NUDCD2: variants seen among roughly 807,000 people sequenced by gnomAD.
NUDCD2 encodes NudC domain containing 2.
Under a neutral mutation model 20.8 loss-of-function variants are expected in NUDCD2, and 16 were observed. That is an observed-to-expected ratio of 0.77 (90% CI 0.52 to 1.17). The LOEUF (loss-of-function observed/expected upper bound fraction) is 1.17. Among genes scored for constraint, NUDCD2 ranks in the 50% most tolerant of loss-of-function variants. The probability of loss-of-function intolerance (pLI) is 0.00; values close to 1 mark genes in which losing one functional copy is unlikely to be tolerated. For synonymous variants in NUDCD2, 87 were observed against 72.8 expected (o/e 1.20, Z -1.00); for missense variants, 199 against 193.9 (o/e 1.03, Z -0.16).
chr5:163,457,591 G>A lies in NUDCD2; in HGVS notation c.209C>T (p.Thr70Ile), dbSNP rs919603618. ...EILKGKLFDSTIADEGTWTLE... is the reference protein window; with the variant it reads ...EILKGKLFDSIIADEGTWTLE... Reference sequence around the variant, plus strand: ...AGTCCATGTTCCCTCATCAGCTATTGTAGAATCAAAGAGTTTGCCCTGAAA... The same window carrying A: ...AGTCCATGTTCCCTCATCAGCTATTATAGAATCAAAGAGTTTGCCCTGAAA... Residue 70 changes from threonine to isoleucine, a missense_variant, in exon 2 of 4, where the codon ACA (threonine) becomes ATA (isoleucine). Thr to Ile is a moderately conservative substitution (Grantham distance 89). Coordinates refer to ENST00000302764, the MANE Select transcript of NUDCD2 (RefSeq NM_145266.6). 6.3e-7 allele frequency: 1 copy of A among 1,581,976 alleles called. No individual in the cohort carries two copies. Among genetic ancestry groups the A allele is most frequent in the Non-Finnish European group, 8.7e-7 (1 of 1,151,316 alleles).
In NUDCD2 at chr5:163,459,905, C is replaced by T; in HGVS notation, c.146G>A (p.Ser49Asn). Reference protein sequence around the residue: ...RAQDIQCGLQSRHVALSVGGR... With the variant: ...RAQDIQCGLQNRHVALSVGGR... Reference sequence around the variant, plus strand: ...GCCCACCGACAGCGCCACATGCCGGCTCTGGAGGCCGCACTGGATATCCTG... The same window carrying T: ...GCCCACCGACAGCGCCACATGCCGGTTCTGGAGGCCGCACTGGATATCCTG... The change falls in exon 1 of 4, where the codon AGC becomes AAC. Residue 49 changes from serine (S) to asparagine (N), a missense_variant. Ser to Asn is a conservative substitution (Grantham distance 46). Coordinates refer to ENST00000302764, the MANE Select transcript of NUDCD2 (RefSeq NM_145266.6). 2 of 1,612,222 alleles carry T rather than the reference C, an allele frequency of 1.2e-6. No homozygotes were observed. Among genetic ancestry groups the T allele is most frequent in the Middle Eastern group, 1.7e-4 (1 of 6,038 alleles).
In NUDCD2 at chr5:163,448,797, T is replaced by G. The variant is rs1758105578; in HGVS notation, c.*5170A>C. 1 of 152,134 alleles carries G rather than the reference T, an allele frequency of 6.6e-6. No individual in the cohort carries two copies. The highest frequency in any genetic ancestry group is 1.5e-5 in the Non-Finnish European group (1 of 68,018). 9.4% of individuals were successfully genotyped at this position (152,134 alleles called of 1,614,324 possible). ...GACCAAGTTTGGGGTTGGGAGGAAA[T>G]ATAAGCTGTTTCAAAATTCTGGAAT... On this transcript the variant is annotated 3_prime_UTR_variant, in exon 4 of 4. Transcript: ENST00000302764.
rs1187672561 is a variant in NUDCD2 at position 163,452,558 on chromosome 5, T to G, written c.*1409A>C. On this transcript the variant is annotated 3_prime_UTR_variant, in exon 4 of 4. Coordinates refer to ENST00000302764, the MANE Select transcript of NUDCD2 (RefSeq NM_145266.6). ...ATGAGTTTATAGAGATACGATAAAT[T>G]TAAAGTCTGATCAGAAACAAGGTAG... 1 of 152,090 alleles carries G rather than the reference T, an allele frequency of 6.6e-6. No individual in the cohort carries two copies. The highest frequency in any genetic ancestry group is 6.6e-5 in the Admixed American group (1 of 15,264). 9.4% of individuals were successfully genotyped at this position (152,090 alleles called of 1,614,324 possible). A position where few individuals can be genotyped will look rare whatever the true frequency, so the allele number is the denominator to read the frequency against.
chr5:163,458,563 C>G (rs1238208255), intron 1 of NUDCD2, among the ~76,000 whole-genome samples: 2 of 152,088 alleles, frequency 1.3e-5, no homozygotes, highest in East Asian at 3.9e-4. Flanking sequence ...TGCACCCCAG[C>G]ATGGGAGACA....
rs899916790 is a variant in NUDCD2, at chr5:163,457,619, T to C, written c.190-9A>G. On this transcript the variant is annotated splice_polypyrimidine_tract_variant and intron_variant, in intron 1 of 3. Transcript: ENST00000302764. ...GAATCAAAGAGTTTGCCCTGAAAAA[T>C]AAACATATAAGGTGCTAAAAATACA... 3.2e-6 allele frequency: 5 copies of C among 1,559,372 alleles called. No individual in the cohort carries two copies. Among genetic ancestry groups the C allele is most frequent in the Non-Finnish European group, 4.4e-6 (5 of 1,131,594 alleles).
chr5:163,456,926 T>TA lies in NUDCD2; in HGVS notation c.390+2dup, dbSNP rs1284903465. On this transcript the variant is annotated splice_region_variant and intron_variant, in intron 3 of 3. Coordinates refer to ENST00000302764, the MANE Select transcript of NUDCD2 (RefSeq NM_145266.6). Reference sequence around the variant, plus strand: ...ACATACTCATACACTTCATCTGACTTACTTCTTTTTGGAATCTCTCTAATG... The same window carrying TA: ...ACATACTCATACACTTCATCTGACTTAACTTCTTTTTGGAATCTCTCTAATG... The TA allele has an allele frequency of 1.9e-6, 3 of 1,597,752 alleles. No individual in the cohort carries two copies. Among genetic ancestry groups the TA allele is most frequent in the East Asian group, 4.5e-5 (2 of 44,736 alleles).
chr5:163,456,806 T>C (rs778036785), intron 3 of NUDCD2, 123 bp downstream of exon 3: 5 of 795,520 alleles, frequency 6.3e-6, no homozygotes, highest in Non-Finnish European at 9.0e-6. Context: ...CAATTCACTT[T>C]AAAAATTCTT....
chr5:163,453,996 C>T lies in NUDCD2; in HGVS notation c.445G>A (p.Gly149Arg). 1 of 1,551,390 alleles carries T rather than the reference C, an allele frequency of 6.4e-7. No homozygotes were observed. The highest frequency in any genetic ancestry group is 8.7e-7 in the Non-Finnish European group (1 of 1,145,024). ...TTCTCAAGGTTTGAGAAATCTGGTC[C>T]ACCTTTAGTGTAGTTTCCTGAGATT... is the stretch of plus-strand genomic sequence containing the variant. Reference protein sequence around the residue: ...AEISGNYTKGGPDFSNLEK With the variant: ...AEISGNYTKGRPDFSNLEK Residue 149 changes from glycine (G) to arginine (R), a missense_variant, in exon 4 of 4, where the codon GGA becomes AGA. Gly to Arg is a moderately radical substitution (Grantham distance 125, BLOSUM62 -2). Coordinates refer to ENST00000302764, the MANE Select transcript of NUDCD2 (RefSeq NM_145266.6).
rs1758154058 is a variant in NUDCD2 at position 163,450,584 on chromosome 5, A to C, written c.*3383T>G. Reference sequence around the variant, plus strand: ...CACAAGAAAGAATGCTCAACATAGTATCAGAGAATAGCAAACCAAAACTAG... The same window carrying C: ...CACAAGAAAGAATGCTCAACATAGTCTCAGAGAATAGCAAACCAAAACTAG... On this transcript the variant is annotated 3_prime_UTR_variant, in exon 4 of 4. Transcript: ENST00000302764. The C allele has an allele frequency of 6.6e-6, 1 of 152,226 alleles. No individual in the cohort carries two copies. The highest frequency in any genetic ancestry group is 1.5e-5 in the Non-Finnish European group (1 of 68,034). 9.4% of individuals were successfully genotyped at this position (152,226 alleles called of 1,614,324 possible).
intron 2 of NUDCD2, 135 bp from the exon 3 acceptor site, chr5:163,457,215 T>C: frequency 1.1e-6 from 1 of 897,322 alleles, no homozygotes; most frequent in Non-Finnish European, 1.6e-6. Flanking sequence ...CACTGAAACC[T>C]CCGCCCCCCG....
In NUDCD2 at chr5:163,449,351, C is replaced by T. The variant is rs922265336; in HGVS notation, c.*4616G>A. The T allele has an allele frequency of 4.6e-5, 7 of 152,118 alleles. No individual in the cohort carries two copies. Among genetic ancestry groups the T allele is most frequent in the African/African-American group, 7.2e-5 (3 of 41,418 alleles). 9.4% of individuals were successfully genotyped at this position (152,118 alleles called of 1,614,324 possible). A position where few individuals can be genotyped will look rare whatever the true frequency, so the allele number is the denominator to read the frequency against. On this transcript the variant is annotated 3_prime_UTR_variant, in exon 4 of 4. Transcript: ENST00000302764. ...AATCAAACACATTTGTACATACTAG[C>T]GATGTGCAATTGGAAACCCATGTTT... is the stretch of plus-strand genomic sequence containing the variant.
At chr5:163,454,108 C>T (rs952419519) in intron 3 of NUDCD2, 58 bp from the exon 4 acceptor site, 18 of 844,026 alleles carry the variant, frequency 2.1e-5, no homozygotes, top group Middle Eastern at 3.1e-4. Context: ...AATACAAGTA[C>T]AAACTGGCAA....
chr5:163,453,590 A>G lies in NUDCD2; in HGVS notation c.*377T>C, dbSNP rs1180455783. 6.5e-6 allele frequency: 1 copy of G among 154,238 alleles called. No individual in the cohort carries two copies. Among genetic ancestry groups the G allele is most frequent in the African/African-American group, 2.4e-5 (1 of 41,500 alleles). 9.6% of individuals were successfully genotyped at this position (154,238 alleles called of 1,614,324 possible). ...GGGGTACACAATTCCTATTTAGAAA[A>G]TTTTATTGAATATCATACTTATCAA... On this transcript the variant is annotated 3_prime_UTR_variant, in exon 4 of 4. Coordinates refer to ENST00000302764, the MANE Select transcript of NUDCD2 (RefSeq NM_145266.6).
intron 1 of NUDCD2, among the ~76,000 whole-genome samples, chr5:163,458,142 C>T (rs1758373455): frequency 6.6e-6 from 1 of 151,710 alleles, no homozygotes; most frequent in Admixed American, 6.6e-5. Context: ...GCCACCACGC[C>T]CGGCTAATTT....
At position 163,449,172 on chromosome 5, in the gene NUDCD2, C is replaced by T. The variant is rs1489427952; in HGVS notation, c.*4795G>A. 1 of 151,954 alleles carries T rather than the reference C, an allele frequency of 6.6e-6. No homozygotes were observed. The highest frequency in any genetic ancestry group is 1.5e-5 in the Non-Finnish European group (1 of 67,970). 9.4% of individuals were successfully genotyped at this position (151,954 alleles called of 1,614,324 possible). A position where few individuals can be genotyped will look rare whatever the true frequency, so the allele number is the denominator to read the frequency against. On this transcript the variant is annotated 3_prime_UTR_variant, in exon 4 of 4. Coordinates refer to ENST00000302764, the MANE Select transcript of NUDCD2 (RefSeq NM_145266.6). ...TGTAGAAAACTTAATGAGTTAACAACAAAATCAGGCAAGAAAAATCATAGA... is the reference window on the plus strand; with the variant it reads ...TGTAGAAAACTTAATGAGTTAACAATAAAATCAGGCAAGAAAAATCATAGA...
rs1758217265 is a variant in NUDCD2, at chr5:163,453,076, A to G, written c.*891T>C. 6.6e-6 allele frequency: 1 copy of G among 152,222 alleles called. No homozygotes were observed. The highest frequency in any genetic ancestry group is 2.4e-5 in the African/African-American group (1 of 41,458). 9.4% of individuals were successfully genotyped at this position (152,222 alleles called of 1,614,324 possible). ...TCATGTAAGATAATTTGAAGCAGAT[A>G]GTAATCAGTAATGAGGAATCATGTC... On this transcript the variant is annotated 3_prime_UTR_variant, in exon 4 of 4. Transcript: ENST00000302764.
rs1404633001 is a variant in NUDCD2, at chr5:163,449,617, GAA to G, written c.*4348_*4349del. 1 of 152,106 alleles carries G rather than the reference GAA, an allele frequency of 6.6e-6. No individual in the cohort carries two copies. The highest frequency in any genetic ancestry group is 2.4e-5 in the African/African-American group (1 of 41,442). 9.4% of individuals were successfully genotyped at this position (152,106 alleles called of 1,614,324 possible). A position where few individuals can be genotyped will look rare whatever the true frequency, so the allele number is the denominator to read the frequency against. Reference sequence around the variant, plus strand: ...AAACTAAATTAGCCAAAACAATTTTGAAAAAGATTTCAAAAAAATTTTGAAGG... The same window carrying G: ...AAACTAAATTAGCCAAAACAATTTTGAAAGATTTCAAAAAAATTTTGAAGG... On this transcript the variant is annotated 3_prime_UTR_variant, in exon 4 of 4. Coordinates refer to ENST00000302764, the MANE Select transcript of NUDCD2 (RefSeq NM_145266.6).
intron 3 of NUDCD2, among the ~76,000 whole-genome samples, chr5:163,454,663 C>T (rs1423402053): frequency 2.6e-5 from 4 of 152,108 alleles, no homozygotes; most frequent in African/African-American, 9.7e-5. Context: ...TTTTTGAGAG[C>T]TTTCTATATG....
chr5:163,458,863 T>C (rs1003378827), intron 1 of NUDCD2: 2 of 152,180 alleles, frequency 1.3e-5, no homozygotes, highest in Non-Finnish European at 2.9e-5. Context: ...AATTGTACAA[T>C]TCAGAAAAGT....
Sources: allele counts gnomAD v4.1 joint callset (sites outside exome capture counted in the v4.1 genomes callset), GRCh38; gene constraint gnomAD v4.1.1; transcripts MANE v1.5; gene names NCBI Gene and HGNC (gene_info 2026-07-23, HGNC 2026-07-21).